MOB3B: variants seen among roughly 807,000 people sequenced by gnomAD.
MOB3B encodes MOB kinase activator-like 2B.
Under a neutral mutation model 18.7 loss-of-function variants are expected in MOB3B, and 7 were observed. The observed-to-expected ratio is 0.37, with a 90% CI of 0.21 to 0.70. MOB3B has a LOEUF of 0.70. Ranked by LOEUF, MOB3B falls within the 30% of genes least tolerant of loss-of-function variation. The pLI, the probability that MOB3B is intolerant of heterozygous loss-of-function variation, is 0.52. For synonymous variants in MOB3B, 111 were observed against 99.9 expected, an observed-to-expected ratio of 1.11 and a Z score of -0.66; for missense variants, 253 against 281.3, an observed-to-expected ratio of 0.90 and a Z score of 0.72.
intron 2 of MOB3B, among the ~76,000 whole-genome samples, chr9:27,404,943 G>A (rs1466419598): frequency 1.3e-5 from 2 of 151,770 alleles, no homozygotes; most frequent in Non-Finnish European, 2.9e-5. Context: ...CTTTCTTTTG[G>A]ATAAAAGCCA....
intron 2 of MOB3B, among the ~76,000 whole-genome samples, chr9:27,406,193 A>T (rs1033530308): frequency 6.6e-6 from 1 of 152,216 alleles, no homozygotes; most frequent in Non-Finnish European, 1.5e-5. Flanking sequence ...TCCACCAAAA[A>T]ACTATTAGAA....
chr9:27,373,900 A>G (rs1309673075), intron 2 of MOB3B, among the ~76,000 whole-genome samples: 1 of 152,254 alleles, frequency 6.6e-6, no homozygotes, highest in Non-Finnish European at 1.5e-5. Flanking sequence ...GTCAGTACCT[A>G]ATGAACCCAA....
intron 1 of MOB3B, among the ~76,000 whole-genome samples, chr9:27,507,132 T>G (rs977447012): frequency 6.6e-6 from 1 of 152,184 alleles, no homozygotes; most frequent in Non-Finnish European, 1.5e-5. Context: ...ATTTTTATCA[T>G]TGTGTCTATG....
At chr9:27,467,591 T>C (rs1264103178) in intron 1 of MOB3B, among the ~76,000 whole-genome samples, 2 of 152,230 alleles carry the variant, frequency 1.3e-5, no homozygotes, top group African/African-American at 4.8e-5. Flanking sequence ...TGAGGAAGAA[T>C]TTTCCCTATG....
At chr9:27,330,683 C>T in intron 3 of MOB3B, 67 bp from the exon 4 acceptor site, 1 of 1,604,870 alleles carries the variant, frequency 6.2e-7, no homozygotes, top group Non-Finnish European at 8.5e-7. Flanking sequence ...GGTGAAGGAT[C>T]CTGAAAATGC....
chr9:27,325,430 A>T lies in MOB3B; in HGVS notation c.*5157T>A, dbSNP rs1477826579. ...AGATACAGGAAAATTCTGAAATCAG[A>T]TCACTATAAGCTAGTAAAACAGGCG... On this transcript the variant is annotated 3_prime_UTR_variant, in exon 4 of 4. Coordinates refer to ENST00000262244, the MANE Select transcript of MOB3B (RefSeq NM_024761.5). 6.6e-6 allele frequency: 1 copy of T among 152,244 alleles called. No homozygotes were observed. Among genetic ancestry groups the T allele is most frequent in the East Asian group, 1.9e-4 (1 of 5,194 alleles). The allele number at this position is 152,244 out of a possible 1,614,324, so 9.4% of individuals were successfully genotyped here.
intron 1 of MOB3B, among the ~76,000 whole-genome samples, chr9:27,529,313 T>C (rs1820494291): frequency 6.6e-6 from 1 of 152,182 alleles, no homozygotes; most frequent in Admixed American, 6.5e-5. Context: ...GCGACCCTTG[T>C]TCCTGCCGGG....
chr9:27,522,448 CAT>C (rs1563889886), intron 1 of MOB3B, among the ~76,000 whole-genome samples: 5 of 133,646 alleles, frequency 3.7e-5, no homozygotes, highest in African/African-American at 1.2e-4. Flanking sequence ...TATATATATG[CAT>C]ATGTCTATAT....
intron 1 of MOB3B, among the ~76,000 whole-genome samples, chr9:27,456,074 C>A (rs903483601): frequency 6.6e-6 from 1 of 152,154 alleles, no homozygotes. Flanking sequence ...TCCTATCCCA[C>A]GTGTGCTAGC....
intron 2 of MOB3B, among the ~76,000 whole-genome samples, chr9:27,447,776 G>T (rs1265281654): frequency 6.6e-6 from 1 of 152,204 alleles, no homozygotes; most frequent in African/African-American, 2.4e-5. Flanking sequence ...GGGTTCACAA[G>T]GTTGTGGTGG....
At chr9:27,392,990 G>C (rs1037446002) in intron 2 of MOB3B, among the ~76,000 whole-genome samples, 2 of 152,152 alleles carry the variant, frequency 1.3e-5, no homozygotes, top group African/African-American at 4.8e-5. Context: ...AGTGTTGCTT[G>C]AGATAAAAAG....
At chr9:27,467,451 T>C (rs913084457) in intron 1 of MOB3B, among the ~76,000 whole-genome samples, 2 of 152,244 alleles carry the variant, frequency 1.3e-5, no homozygotes, top group Admixed American at 6.5e-5. Context: ...TGATGATCAA[T>C]AGGAGTCCCA....
chr9:27,507,993 GTT>G (rs1319430734), intron 1 of MOB3B, among the ~76,000 whole-genome samples: 5 of 152,130 alleles, frequency 3.3e-5, no homozygotes, highest in African/African-American at 4.8e-5. Context: ...TATCTGTTTT[GTT>G]TTTAAAGATT....
intron 2 of MOB3B, among the ~76,000 whole-genome samples, chr9:27,389,813 T>C (rs1821699886): frequency 6.6e-6 from 1 of 152,074 alleles, no homozygotes; most frequent in South Asian, 2.1e-4. Flanking sequence ...AGAGAAAATA[T>C]GTGGCATACA....
intron 2 of MOB3B, among the ~76,000 whole-genome samples, chr9:27,440,963 G>A (rs546402118): frequency 7.9e-5 from 12 of 152,198 alleles, no homozygotes; most frequent in East Asian, 3.9e-4. Context: ...ACCTCAGATC[G>A]TCAGGCATTA....
intron 2 of MOB3B, among the ~76,000 whole-genome samples, chr9:27,387,678 T>A (rs899410309): frequency 6.6e-6 from 1 of 152,150 alleles, no homozygotes; most frequent in African/African-American, 2.4e-5. Context: ...CCAACACTGA[T>A]GGGAATATTT....
chr9:27,512,091 C>G (rs1277490684), intron 1 of MOB3B, among the ~76,000 whole-genome samples: 1 of 152,160 alleles, frequency 6.6e-6, no homozygotes, highest in African/African-American at 2.4e-5. Flanking sequence ...AAGATAAATC[C>G]TGCAAGCCTG....
chr9:27,329,594 G>C lies in MOB3B; in HGVS notation c.*993C>G, dbSNP rs749240804. On this transcript the variant is annotated 3_prime_UTR_variant, in exon 4 of 4. Transcript: ENST00000262244. ...GGAGGGTTACAAGTCAGCCGTCTGG[G>C]TGTTAAATCTACACGTACCAAATAA... 1.3e-5 allele frequency: 2 copies of C among 152,280 alleles called. No homozygotes were observed. The highest frequency in any genetic ancestry group is 2.4e-5 in the African/African-American group (1 of 41,300). 9.4% of individuals were successfully genotyped at this position (152,280 alleles called of 1,614,324 possible).
intron 2 of MOB3B, among the ~76,000 whole-genome samples, chr9:27,448,034 G>C (rs1822720656): frequency 6.6e-6 from 1 of 152,130 alleles, no homozygotes; most frequent in Non-Finnish European, 1.5e-5. Flanking sequence ...TGGTGGTTTT[G>C]TCTCAAGGCA....
Sources: gnomAD v4.1 joint callset for allele counts (sites outside exome capture counted in the v4.1 genomes callset) on GRCh38, gnomAD v4.1.1 for gene constraint, MANE v1.5 for transcripts, NCBI Gene and HGNC (gene_info 2026-07-23, HGNC 2026-07-21) for gene names.